GNA12: variants seen among roughly 807,000 people sequenced by gnomAD.
GNA12 encodes guanine nucleotide-binding protein subunit alpha-12.
A neutral mutation model predicts 26.0 loss-of-function variants in GNA12; 9 were observed. That is an observed-to-expected ratio of 0.35 (90% CI 0.21 to 0.60). GNA12 has a LOEUF of 0.60. Ranked by LOEUF, GNA12 falls within the 20% of genes least tolerant of loss-of-function variation. The pLI is 0.78. For synonymous variants in GNA12, 264 were observed against 219.6 expected (o/e 1.20, Z -1.79); for missense variants, 405 against 525.8 (o/e 0.77, Z 2.25).
At chr7:2,755,122 C>G (rs890771663) in intron 2 of GNA12, among the ~76,000 whole-genome samples, 1 of 152,216 alleles carries the variant, frequency 6.6e-6, no homozygotes, top group Admixed American at 6.5e-5. Flanking sequence ...GTCCAGTGAC[C>G]TCGTGTCTCT....
intron 2 of GNA12, among the ~76,000 whole-genome samples, chr7:2,771,094 C>G (rs1258471519): frequency 6.6e-6 from 1 of 152,110 alleles, no homozygotes; most frequent in Non-Finnish European, 1.5e-5. Flanking sequence ...AGTTCAAGAC[C>G]AGCCTGACCA....
chr7:2,761,989 C>G (rs958626246), intron 2 of GNA12, among the ~76,000 whole-genome samples: 6 of 152,230 alleles, frequency 3.9e-5, no homozygotes, highest in Admixed American at 6.5e-5. Flanking sequence ...ACAGCCTAAC[C>G]TCACCGAGGC....
chr7:2,839,490 T>C (rs1778928730), intron 1 of GNA12, among the ~76,000 whole-genome samples: 1 of 152,152 alleles, frequency 6.6e-6, no homozygotes, highest in South Asian at 2.1e-4. Context: ...TTCAAGTGAT[T>C]CTCCTGCCTC....
At chr7:2,803,316 G>C (rs1792861386) in intron 1 of GNA12, among the ~76,000 whole-genome samples, 1 of 152,196 alleles carries the variant, frequency 6.6e-6, no homozygotes, top group Non-Finnish European at 1.5e-5. Flanking sequence ...TAAGAAGTCT[G>C]TGTGAGAAAG....
At chr7:2,773,520 C>T (rs1387148656) in intron 2 of GNA12, among the ~76,000 whole-genome samples, 3 of 152,186 alleles carry the variant, frequency 2.0e-5, no homozygotes, top group Non-Finnish European at 4.4e-5. Context: ...CAAAATCACA[C>T]CACTGCACTC....
At chr7:2,771,623 G>A (rs1319073895) in intron 2 of GNA12, among the ~76,000 whole-genome samples, 1 of 152,096 alleles carries the variant, frequency 6.6e-6, no homozygotes, top group African/African-American at 2.4e-5. Context: ...TATGCTGCAG[G>A]TTACCAGGTG....
intron 1 of GNA12, among the ~76,000 whole-genome samples, chr7:2,842,536 G>A (rs186229589): frequency 6.6e-6 from 1 of 152,284 alleles, no homozygotes; most frequent in East Asian, 1.9e-4. Flanking sequence ...GGCCTCAAGT[G>A]ATCCTCCTGC....
rs755144160 is a variant in GNA12, at chr7:2,843,997, C to T, written c.165G>A (p.Arg55=). 6.5e-7 allele frequency: 1 copy of T among 1,549,866 alleles called. No individual in the cohort carries two copies. The highest frequency in any genetic ancestry group is 1.4e-5 in the African/African-American group (1 of 70,316). The change falls in exon 1 of 4, where the codon CGG becomes CGA. Residue 55 remains arginine (R), a synonymous_variant. Coordinates refer to ENST00000275364, the MANE Select transcript of GNA12 (RefSeq NM_007353.3). The stretch of plus-strand genomic sequence containing the variant: ...CCAGCAGCAGGATCTTCACCAGGCG[C>T]CGGACCGCGCGCCGCTCGCGGGCCA... ...ALLARERRAV[R]RLVKILLLGA... is the part of the protein sequence containing the mutation.
intron 2 of GNA12, among the ~76,000 whole-genome samples, chr7:2,742,169 G>A (rs1790540164): frequency 6.6e-6 from 1 of 151,748 alleles, no homozygotes; most frequent in Non-Finnish European, 1.5e-5. Context: ...TTACAGAGGT[G>A]CACCACCATA....
Position 2,844,234 on chromosome 7 carries a change from C to A in GNA12, c.-73G>T, listed in dbSNP as rs1334306643. ...ACGCTCCCGCCGGCGAGGGCGAGCC[C>A]GGGCCGAGGCACCGCCCCACGCCCC... On this transcript the variant is annotated 5_prime_UTR_variant, in exon 1 of 4. Coordinates refer to ENST00000275364, the MANE Select transcript of GNA12 (RefSeq NM_007353.3). 1 of 749,670 alleles carries A rather than the reference C, an allele frequency of 1.3e-6. No homozygotes were observed. The highest frequency in any genetic ancestry group is 1.3e-4 in the East Asian group (1 of 7,608). 46.4% of individuals were successfully genotyped at this position (749,670 alleles called of 1,614,324 possible). A position where few individuals can be genotyped will look rare whatever the true frequency, so the allele number is the denominator to read the frequency against.
chr7:2,780,318 C>G (rs1311698242), intron 2 of GNA12, among the ~76,000 whole-genome samples: 1 of 151,788 alleles, frequency 6.6e-6, no homozygotes, highest in African/African-American at 2.4e-5. Context: ...ATAAGCAATA[C>G]AATAAACATC....
intron 1 of GNA12, among the ~76,000 whole-genome samples, chr7:2,795,970 G>C (rs1438532232): frequency 2.6e-5 from 4 of 151,882 alleles, no homozygotes; most frequent in Non-Finnish European, 5.9e-5. Context: ...ACAGGTACCT[G>C]CCACCAGGCC....
intron 2 of GNA12, among the ~76,000 whole-genome samples, chr7:2,780,046 GTGTA>G (rs1362095044): frequency 1.6e-4 from 14 of 85,834 alleles, no homozygotes; most frequent in African/African-American, 6.3e-4. Flanking sequence ...ACACATTTCT[GTGTA>G]CATATATATA....
At chr7:2,759,879 C>A (rs558231313) in intron 2 of GNA12, among the ~76,000 whole-genome samples, 1 of 152,254 alleles carries the variant, frequency 6.6e-6, no homozygotes, top group African/African-American at 2.4e-5. Flanking sequence ...CAGAGCCCCA[C>A]GGCCAGCTGA....
At chr7:2,842,304 C>T (rs1779020716) in intron 1 of GNA12, among the ~76,000 whole-genome samples, 1 of 150,420 alleles carries the variant, frequency 6.6e-6, no homozygotes. Context: ...CCGACTTTAT[C>T]AACTCTATGG....
At chr7:2,795,212 A>C in intron 1 of GNA12, 69 bp from the exon 2 acceptor site, 14 of 1,129,818 alleles carry the variant, frequency 1.2e-5, no homozygotes, top group Non-Finnish European at 1.9e-5. Flanking sequence ...AGAGAAGCTC[A>C]AAATGGGCAT....
chr7:2,742,843 G>C (rs1286196183), intron 2 of GNA12, among the ~76,000 whole-genome samples: 1 of 152,186 alleles, frequency 6.6e-6, no homozygotes, highest in African/African-American at 2.4e-5. Context: ...TTTGTTGCTA[G>C]TGAATAGAAA....
In GNA12 at chr7:2,731,343, C is replaced by T; in HGVS notation, c.984G>A (p.Gln328=). Residue 328 remains glutamine (Q), a synonymous_variant, in exon 4 of 4, where the codon CAG becomes CAA. Coordinates refer to ENST00000275364, the MANE Select transcript of GNA12 (RefSeq NM_007353.3). The surrounding 1 kb of genome is among the most constrained non-coding windows in gnomAD (Gnocchi z 6.0). ...TGTCGAAGCACTGGACCAGGTAGCGCTGGACGTCCTCCAGCCTGTGCGGGT... is the reference window on the plus strand; with the variant it reads ...TGTCGAAGCACTGGACCAGGTAGCGTTGGACGTCCTCCAGCCTGTGCGGGT... ...RGDPHRLEDV[Q]RYLVQCFDRK... is the part of the protein sequence containing the mutation. The T allele has an allele frequency of 6.2e-7, 1 of 1,613,942 alleles. No individual in the cohort carries two copies. Among genetic ancestry groups the T allele is most frequent in the South Asian group, 1.1e-5 (1 of 91,048 alleles).
At chr7:2,796,141 G>A (rs1226158335) in intron 1 of GNA12, among the ~76,000 whole-genome samples, 1 of 152,076 alleles carries the variant, frequency 6.6e-6, no homozygotes, top group African/African-American at 2.4e-5. Flanking sequence ...AAAAAACAAT[G>A]TTTTAACAAC....
Sources: allele counts gnomAD v4.1 joint callset (sites outside exome capture counted in the v4.1 genomes callset), GRCh38; gene constraint gnomAD v4.1.1; non-coding constraint Gnocchi (gnomAD v3.1); transcripts MANE v1.5; gene names NCBI Gene and HGNC (gene_info 2026-07-23, HGNC 2026-07-21).